The following ABHD2 variants were observed in gnomAD, a reference collection of about 807,000 sequenced individuals.
ABHD2 encodes monoacylglycerol lipase ABHD2.
In ABHD2, 20 loss-of-function variants were observed where a neutral mutation model predicts 48.1. The ratio of observed to expected loss-of-function variants is 0.42; its 90% confidence interval spans 0.29 to 0.60. The LOEUF is 0.60. Ranked by LOEUF, ABHD2 falls within the 20% of genes least tolerant of loss-of-function variation. ABHD2 has a pLI of 0.24. For synonymous variants in ABHD2, 209 were observed against 214.2 expected, an observed-to-expected ratio of 0.98 and a Z score of 0.21; for missense variants, 405 against 550.9, an observed-to-expected ratio of 0.74 and a Z score of 2.65.
rs3743385 is a variant in ABHD2 at position 89,155,573 on chromosome 15, G to C, written c.538+39G>C. ...AGTGGAGTCCTCCCTTTTTCTGCAA[G>C]TGTGCTACTACTTCTGCTTCTGCCT... On this transcript the variant is annotated intron_variant, in intron 5 of 10. Coordinates refer to ENST00000352732, the MANE Select transcript of ABHD2 (RefSeq NM_152924.5). This position sits in a 1 kb window ranked among gnomAD's most constrained non-coding sequence, Gnocchi z 4.9. 1,550 of 1,588,874 alleles carry C rather than the reference G, an allele frequency of 9.8e-4. 16 individuals carry two copies. In the East Asian group the frequency reaches 0.013, roughly 14 times the overall value.
At chr15:89,162,942 A>G (rs992833958) in intron 5 of ABHD2, among the ~76,000 whole-genome samples, 1 of 152,220 alleles carries the variant, frequency 6.6e-6, no homozygotes. Context: ...CTGAATGCCT[A>G]CTGAGATGGG....
chr15:89,095,679 C>A (rs2049601117), intron 1 of ABHD2, among the ~76,000 whole-genome samples: 2 of 152,218 alleles, frequency 1.3e-5, no homozygotes, highest in South Asian at 2.1e-4. Flanking sequence ...GACCTCTCTT[C>A]CGTGTCCCCA....
rs549161679 is a variant in ABHD2 at position 89,156,903 on chromosome 15, T to C, written c.538+1369T>C. On this transcript the variant is annotated intron_variant, in intron 5 of 10. Coordinates refer to ENST00000352732, the MANE Select transcript of ABHD2 (RefSeq NM_152924.5). Reference sequence around the variant, plus strand: ...GCAAATAAATTGTAATATGTTTTAATGGGAAATAACTAAAAATTATATCTA... The same window carrying C: ...GCAAATAAATTGTAATATGTTTTAACGGGAAATAACTAAAAATTATATCTA... 5.1e-4 allele frequency among the ~76,000 whole-genome samples: 77 copies of C among 152,348 alleles called. 1 individual carries two copies. Among genetic ancestry groups the C allele is most frequent in the African/African-American group, 1.7e-3 (71 of 41,588 alleles).
In ABHD2 at chr15:89,195,220, C is replaced by T. The variant is rs906115234; in HGVS notation, c.1082-7C>T. 1 of 1,611,938 alleles carries T rather than the reference C, an allele frequency of 6.2e-7. No homozygotes were observed. Among genetic ancestry groups the T allele is most frequent in the Non-Finnish European group, 8.5e-7 (1 of 1,178,662 alleles). On this transcript the variant is annotated splice_region_variant and splice_polypyrimidine_tract_variant and intron_variant, in intron 10 of 10. Transcript: ENST00000352732. The surrounding 1 kb of genome is among the most constrained non-coding windows in gnomAD (Gnocchi z 5.1). ...CAGTAACTCACTCAGCTGCGTTTCC[C>T]CTGCAGAGAAACGAGAGAACGTCAT...
rs185735728 is a variant in ABHD2 at position 89,100,933 on chromosome 15, G to T, written c.-107+12370G>T. Among the ~76,000 whole-genome samples the T allele has an allele frequency of 2.6e-3, 399 of 152,258 alleles. 2 individuals carry two copies. Among genetic ancestry groups the T allele is most frequent in the African/African-American group, 9.2e-3 (382 of 41,550 alleles). ...TAATCTAGGTTAAACTACAGTTAAT[G>T]GTATTGAGTTTTATATTTTCTGGAC... On this transcript the variant is annotated intron_variant, in intron 1 of 10. Coordinates refer to ENST00000352732, the MANE Select transcript of ABHD2 (RefSeq NM_152924.5). This position sits in a 1 kb window ranked among gnomAD's most constrained non-coding sequence, Gnocchi z 4.4.
rs2239290 is a variant in ABHD2, at chr15:89,184,991, G to A, written c.723-433G>A. On this transcript the variant is annotated intron_variant, in intron 6 of 10. Coordinates refer to ENST00000352732, the MANE Select transcript of ABHD2 (RefSeq NM_152924.5). The surrounding 1 kb of genome is among the most constrained non-coding windows in gnomAD (Gnocchi z 5.1). The stretch of plus-strand genomic sequence containing the variant: ...TCAGCAATGACAGAAGATTTTTTAG[G>A]TTTTCCCCTCCACACCCACTCTCCC... Among the ~76,000 whole-genome samples the A allele has an allele frequency of 0.32, 48,349 of 152,034 alleles. 8,453 individuals are homozygous for A. The highest frequency in any genetic ancestry group is 0.4 in the Non-Finnish European group (27,044 of 67,960).
Position 89,160,251 on chromosome 15 carries a change from A to G in ABHD2, c.538+4717A>G, listed in dbSNP as rs115085774. Among the ~76,000 whole-genome samples, 666 of 152,358 alleles carry G rather than the reference A, an allele frequency of 4.4e-3. 7 individuals carry two copies. The highest frequency in any genetic ancestry group is 0.015 in the African/African-American group (628 of 41,584). On this transcript the variant is annotated intron_variant, in intron 5 of 10. Transcript: ENST00000352732. The stretch of plus-strand genomic sequence containing the variant: ...TTGACTGGTTAATTGAGGCAGGTCC[A>G]CAGTTAACATGCTAGAACTGGAAAC...
At chr15:89,134,931 C>T (rs947548544) in intron 3 of ABHD2, among the ~76,000 whole-genome samples, 2 of 152,082 alleles carry the variant, frequency 1.3e-5, no homozygotes, top group Admixed American at 6.6e-5. Context: ...GTAGAACCTA[C>T]TTTTTCCTAA....
chr15:89,076,492 G>A, the ABHD2 span, among the ~76,000 whole-genome samples: 12 of 151,864 alleles, frequency 7.9e-5, no homozygotes, highest in East Asian at 3.9e-4. Context: ...GTTTTGTTTC[G>A]TTTCTTTTTG....
the ABHD2 span, among the ~76,000 whole-genome samples, chr15:89,081,336 A>G: frequency 6.6e-6 from 1 of 151,976 alleles, no homozygotes; most frequent in Admixed American, 6.6e-5. Context: ...TCCCTGTGAA[A>G]GCTGAATAGT....
the ABHD2 span, among the ~76,000 whole-genome samples, chr15:89,060,083 C>CTTTTTT: frequency 1.3e-5 from 1 of 77,572 alleles, no homozygotes; most frequent in Non-Finnish European, 2.4e-5. Context: ...ACTCCAAGGC[C>CTTTTTT]TTTTTTTTTT....
intron 2 of ABHD2, among the ~76,000 whole-genome samples, chr15:89,115,187 GT>G (rs1170468062): frequency 6.6e-6 from 1 of 152,174 alleles, no homozygotes; most frequent in African/African-American, 2.4e-5. Flanking sequence ...AGGGGAAGCT[GT>G]TGCCATAGCT....
intron 3 of ABHD2, among the ~76,000 whole-genome samples, chr15:89,149,744 C>T (rs2050560406): frequency 6.6e-6 from 1 of 152,220 alleles, no homozygotes; most frequent in African/African-American, 2.4e-5. Flanking sequence ...ACCACGTGTA[C>T]CTGTTCTGGC....
At chr15:89,140,026 A>G (rs2050377434) in intron 3 of ABHD2, among the ~76,000 whole-genome samples, 1 of 152,108 alleles carries the variant, frequency 6.6e-6, no homozygotes, top group South Asian at 2.1e-4. Flanking sequence ...GGATGATGTA[A>G]CACCTCTGCG....
At chr15:89,044,548 C>T in the ABHD2 span, among the ~76,000 whole-genome samples, 2 of 151,822 alleles carry the variant, frequency 1.3e-5, no homozygotes, top group South Asian at 4.2e-4. Context: ...TATTTCTCCA[C>T]ATCCTCTCCA....
intron 3 of ABHD2, among the ~76,000 whole-genome samples, chr15:89,140,880 G>A (rs2050391482): frequency 6.6e-6 from 1 of 152,218 alleles, no homozygotes; most frequent in Non-Finnish European, 1.5e-5. Flanking sequence ...GTGGCACTGA[G>A]GGAGAACTGC....
intron 6 of ABHD2, among the ~76,000 whole-genome samples, chr15:89,180,839 A>T (rs2150935999): frequency 6.6e-6 from 1 of 152,374 alleles, no homozygotes; most frequent in South Asian, 2.1e-4. Flanking sequence ...GAGATAGTTA[A>T]ATAAATTAAT....
chr15:89,194,558 T>A (rs1051443068), intron 10 of ABHD2, among the ~76,000 whole-genome samples: 4 of 152,128 alleles, frequency 2.6e-5, no homozygotes, highest in Non-Finnish European at 5.9e-5. Context: ...GCTTTAAGGA[T>A]CTTGAAGATA....
chr15:89,080,036 C>T, the ABHD2 span, among the ~76,000 whole-genome samples: 1 of 152,206 alleles, frequency 6.6e-6, no homozygotes, highest in Non-Finnish European at 1.5e-5. Flanking sequence ...CCATGGCAGG[C>T]TGAGAATACT....
Sources: gnomAD v4.1 joint callset for allele counts (sites outside exome capture counted in the v4.1 genomes callset) on GRCh38, gnomAD v4.1.1 for gene constraint, Gnocchi (gnomAD v3.1) non-coding constraint, MANE v1.5 for transcripts, NCBI Gene and HGNC (gene_info 2026-07-23, HGNC 2026-07-21) for gene names.